CEP128: variants seen among roughly 807,000 people sequenced by gnomAD.
The protein encoded by CEP128 is centrosomal protein 128kDa.
In CEP128, 132 loss-of-function variants were observed where a neutral mutation model predicts 156.7. The observed-to-expected ratio is 0.84, with a 90% CI of 0.73 to 0.97. The LOEUF is 0.97. Ranked by LOEUF, CEP128 falls within the 50% of genes least tolerant of loss-of-function variation. The pLI is 0.00. For synonymous variants in CEP128, 469 were observed against 448.9 expected, an observed-to-expected ratio of 1.04 and a Z score of -0.57; for missense variants, 1,252 against 1,281.9, an observed-to-expected ratio of 0.98 and a Z score of 0.36.
chr14:80,785,377 G>C lies in CEP128; in HGVS notation c.1729C>G (p.Leu577Val), dbSNP rs1270534097. ...AGGGAATTCTTAACTTCCAATTCAA[G>C]GTCAGCTTGATGAGACTTAATATCA... is the stretch of plus-strand genomic sequence containing the variant. ...LRDIKSHQAD[L>V]ELEVKNSLDT... is the part of the protein sequence containing the mutation. The change falls in exon 15 of 25, where the codon CTT (leucine) becomes GTT (valine). Residue 577 changes from leucine to valine, a missense_variant. Leu to Val is a conservative substitution (Grantham distance 32). Transcript: ENST00000555265. 1 of 1,614,082 alleles carries C rather than the reference G, an allele frequency of 6.2e-7. No individual in the cohort carries two copies. Among genetic ancestry groups the C allele is most frequent in the Admixed American group, 1.7e-5 (1 of 60,014 alleles).
intron 19 of CEP128, among the ~76,000 whole-genome samples, chr14:80,663,624 C>T (rs1895489399): frequency 6.6e-6 from 1 of 152,142 alleles, no homozygotes; most frequent in Admixed American, 6.6e-5. Flanking sequence ...ACTGACTGAG[C>T]CTCTTCTCTG....
intron 19 of CEP128, among the ~76,000 whole-genome samples, chr14:80,640,329 T>A (rs1279638084): frequency 1.3e-5 from 2 of 152,190 alleles, no homozygotes; most frequent in African/African-American, 4.8e-5. Context: ...CATGATCTAT[T>A]AATAATGGGT....
chr14:80,628,842 G>GGGGCCA (rs57194229), intron 19 of CEP128, among the ~76,000 whole-genome samples: 53,078 of 151,368 alleles, frequency 0.35, 11,006 homozygotes, highest in African/African-American at 0.59. Flanking sequence ...ATATATATAT[G>GGGGCCA]TATAGTCACT....
Position 80,527,227 on chromosome 14 carries a change from G to A in CEP128, c.2959-245C>T, listed in dbSNP as rs564412371. 3.5e-4 allele frequency: 184 copies of A among 526,496 alleles called. 5 individuals are homozygous for A. Among genetic ancestry groups the A allele is most frequent in the South Asian group, 2.9e-3 (176 of 61,424 alleles). 32.6% of individuals were successfully genotyped at this position (526,496 alleles called of 1,614,324 possible). ...GAGGATAGCTCTAGTCCAGGAGTTC[G>A]AGACCAGCCTGGGCAACATGGTGAA... On this transcript the variant is annotated intron_variant, in intron 22 of 24. Coordinates refer to ENST00000555265, the MANE Select transcript of CEP128 (RefSeq NM_152446.5).
chr14:80,877,962 G>C (rs1160555573), intron 8 of CEP128, among the ~76,000 whole-genome samples: 1 of 152,010 alleles, frequency 6.6e-6, no homozygotes, highest in Admixed American at 6.6e-5. Flanking sequence ...TACCACCTGG[G>C]TACCTCAGAC....
At chr14:80,896,735 T>C (rs573520436) in intron 7 of CEP128, among the ~76,000 whole-genome samples, 1 of 152,214 alleles carries the variant, frequency 6.6e-6, no homozygotes, top group Non-Finnish European at 1.5e-5. Flanking sequence ...TTTGGCTTTA[T>C]ATGGGCCTTA....
rs763542513 is a variant in CEP128 at position 80,785,421 on chromosome 14, G to A, written c.1685C>T (p.Ser562Phe). The A allele has an allele frequency of 1.9e-6, 3 of 1,613,966 alleles. No homozygotes were observed. Among genetic ancestry groups the A allele is most frequent in the Non-Finnish European group, 2.5e-6 (3 of 1,179,972 alleles). ...KRALQEEELH[S>F]KEEKLRDIKS... ...AATATCACGTAATTTCTCCTCCTTG[G>A]AGTGAAGCTCCTCCTCCTGAAGGGC... The change falls in exon 15 of 25, where the codon TCC becomes TTC. Residue 562 changes from serine to phenylalanine, a missense_variant. Physicochemically the swap from Ser to Phe is radical, Grantham distance 155. Coordinates refer to ENST00000555265, the MANE Select transcript of CEP128 (RefSeq NM_152446.5).
intron 19 of CEP128, among the ~76,000 whole-genome samples, chr14:80,664,396 T>G (rs1895526649): frequency 6.6e-6 from 1 of 151,622 alleles, no homozygotes; most frequent in African/African-American, 2.4e-5. Context: ...ATTTTAACAG[T>G]GAGCAAGCTG....
intron 19 of CEP128, among the ~76,000 whole-genome samples, chr14:80,712,520 G>C (rs925772091): frequency 6.6e-6 from 1 of 152,212 alleles, no homozygotes; most frequent in African/African-American, 2.4e-5. Context: ...AAGGGCCACA[G>C]ATATTTCCTG....
intron 2 of CEP128, among the ~76,000 whole-genome samples, chr14:80,947,044 AT>A (rs941546822): frequency 1.8e-4 from 27 of 152,286 alleles, no homozygotes; most frequent in African/African-American, 6.5e-4. Context: ...TCAAAGCACC[AT>A]GATTGTAAGT....
At chr14:80,957,111 C>G (rs956331727) in intron 2 of CEP128, among the ~76,000 whole-genome samples, 2 of 152,156 alleles carry the variant, frequency 1.3e-5, no homozygotes, top group African/African-American at 4.8e-5. Context: ...CCCCAAAGGT[C>G]CCTGCTGTTA....
intron 19 of CEP128, among the ~76,000 whole-genome samples, chr14:80,656,299 A>G (rs866599959): frequency 1.3e-4 from 1 of 7,748 alleles, no homozygotes; most frequent in Non-Finnish European, 2.2e-4. Context: ...ATTTATATAT[A>G]TATATATATA....
chr14:80,605,716 T>C (rs2140554404), intron 19 of CEP128, among the ~76,000 whole-genome samples: 1 of 152,144 alleles, frequency 6.6e-6, no homozygotes, highest in Non-Finnish European at 1.5e-5. Context: ...GCCAAGAATG[T>C]CTTCCAAAAG....
intron 20 of CEP128, among the ~76,000 whole-genome samples, chr14:80,564,099 G>A (rs919083715): frequency 1.3e-5 from 2 of 152,132 alleles, no homozygotes; most frequent in Non-Finnish European, 2.9e-5. Context: ...GAAGAAAAGA[G>A]TTTTCTGGGA....
intron 23 of CEP128, among the ~76,000 whole-genome samples, chr14:80,513,508 G>A (rs566424407): frequency 2.3e-4 from 35 of 151,782 alleles, no homozygotes; most frequent in Non-Finnish European, 4.6e-4. Context: ...TATATCTTTC[G>A]GTAGTTTTGG....
At chr14:80,733,548 A>T (rs1458311600) in intron 19 of CEP128, among the ~76,000 whole-genome samples, 2 of 152,158 alleles carry the variant, frequency 1.3e-5, no homozygotes, top group African/African-American at 2.4e-5. Flanking sequence ...AGGAAATGGG[A>T]GAATGTAATC....
chr14:80,773,688 T>G (rs1900637336), intron 16 of CEP128, among the ~76,000 whole-genome samples: 7 of 152,128 alleles, frequency 4.6e-5, no homozygotes. Flanking sequence ...AATGATTCAA[T>G]TATGCACTAA....
chr14:80,904,123 T>C (rs778887096), intron 6 of CEP128, among the ~76,000 whole-genome samples: 2 of 152,052 alleles, frequency 1.3e-5, no homozygotes, highest in Non-Finnish European at 2.9e-5. Context: ...ATACAGAAAA[T>C]GTAGTATATA....
At chr14:80,908,296 T>C (rs1261157217) in intron 4 of CEP128, among the ~76,000 whole-genome samples, 1 of 152,196 alleles carries the variant, frequency 6.6e-6, no homozygotes, top group East Asian at 1.9e-4. Context: ...CCCCTCTCCT[T>C]CTGGAAATGC....
Sources: allele counts gnomAD v4.1 joint callset (sites outside exome capture counted in the v4.1 genomes callset), GRCh38; gene constraint gnomAD v4.1.1; transcripts MANE v1.5; gene names NCBI Gene and HGNC (gene_info 2026-07-23, HGNC 2026-07-21).